SLC24A3: variants seen among roughly 807,000 people sequenced by gnomAD.
SLC24A3 encodes sodium/potassium/calcium exchanger 3.
SLC24A3 carries 28 observed loss-of-function variants against 75.8 expected under a neutral mutation model. The ratio of observed to expected loss-of-function variants is 0.37; its 90% CI spans 0.27 to 0.51. SLC24A3 has a LOEUF of 0.51. Ranked by LOEUF, SLC24A3 falls within the 20% of genes least tolerant of loss-of-function variation. The pLI is 0.94. For synonymous variants in SLC24A3, 372 were observed against 334.1 expected (o/e 1.11, Z -1.24); for missense variants, 663 against 847.8 (o/e 0.78, Z 2.71).
At chr20:19,381,492 T>C (rs1421584384) in intron 2 of SLC24A3, among the ~76,000 whole-genome samples, 3 of 152,066 alleles carry the variant, frequency 2.0e-5, no homozygotes, top group Non-Finnish European at 4.4e-5. Context: ...ACTGGAAAGA[T>C]GGAACAGCAG....
chr20:19,353,118 T>C (rs1392565371), intron 2 of SLC24A3, among the ~76,000 whole-genome samples: 1 of 152,218 alleles, frequency 6.6e-6, no homozygotes, highest in African/African-American at 2.4e-5. Flanking sequence ...TAGGCTATAC[T>C]AGCTAGGTTT....
At chr20:19,708,142 A>T (rs953828662) in intron 15 of SLC24A3, among the ~76,000 whole-genome samples, 1 of 152,124 alleles carries the variant, frequency 6.6e-6, no homozygotes, top group African/African-American at 2.4e-5. Context: ...GCAGCCAAGT[A>T]TATCAGACCT....
At chr20:19,482,908 T>A (rs963883947) in intron 2 of SLC24A3, among the ~76,000 whole-genome samples, 1 of 152,220 alleles carries the variant, frequency 6.6e-6, no homozygotes, top group African/African-American at 2.4e-5. Flanking sequence ...AGGTTTATGA[T>A]TCAGTGTGAA....
intron 2 of SLC24A3, among the ~76,000 whole-genome samples, chr20:19,299,095 C>G (rs905770708): frequency 2.0e-5 from 3 of 152,146 alleles, no homozygotes; most frequent in African/African-American, 4.8e-5. Flanking sequence ...CCGCATCCCC[C>G]CAACTACATG....
At chr20:19,507,709 C>T (rs1029245657) in intron 2 of SLC24A3, among the ~76,000 whole-genome samples, 14 of 152,172 alleles carry the variant, frequency 9.2e-5, no homozygotes, top group African/African-American at 2.2e-4. Context: ...TCCTAGGTCT[C>T]TGGAACAATG....
intron 1 of SLC24A3, among the ~76,000 whole-genome samples, chr20:19,239,136 A>AC (rs904590334): frequency 6.6e-6 from 1 of 151,688 alleles, no homozygotes; most frequent in Non-Finnish European, 1.5e-5. Context: ...AAAAAAAAAA[A>AC]AACAACACAG....
At chr20:19,297,982 A>G (rs962502056) in intron 2 of SLC24A3, among the ~76,000 whole-genome samples, 1 of 152,226 alleles carries the variant, frequency 6.6e-6, no homozygotes, top group African/African-American at 2.4e-5. Flanking sequence ...CACACCTTTC[A>G]GGTGCAGCAC....
intron 15 of SLC24A3, among the ~76,000 whole-genome samples, chr20:19,707,751 A>G (rs983703781): frequency 7.9e-5 from 12 of 152,370 alleles, no homozygotes; most frequent in African/African-American, 2.9e-4. Flanking sequence ...GATGCCATTC[A>G]TGGAGATGGG....
intron 2 of SLC24A3, among the ~76,000 whole-genome samples, chr20:19,486,694 G>C (rs1254925633): frequency 6.6e-6 from 1 of 152,152 alleles, no homozygotes; most frequent in Non-Finnish European, 1.5e-5. Flanking sequence ...TTTTATCCTT[G>C]TATGTCTCGT....
chr20:19,337,840 A>T (rs1302101997), intron 2 of SLC24A3, among the ~76,000 whole-genome samples: 5 of 152,030 alleles, frequency 3.3e-5, no homozygotes, highest in African/African-American at 9.7e-5. Flanking sequence ...ATGGCCTCTC[A>T]TGTCTTGTGG....
At chr20:19,675,099 T>TA (rs1469512215) in intron 9 of SLC24A3, among the ~76,000 whole-genome samples, 1 of 152,134 alleles carries the variant, frequency 6.6e-6, no homozygotes, top group African/African-American at 2.4e-5. Context: ...TCCCATGCTG[T>TA]AAGTTAAATG....
intron 2 of SLC24A3, among the ~76,000 whole-genome samples, chr20:19,480,221 A>G (rs1988031507): frequency 6.6e-6 from 1 of 152,130 alleles, no homozygotes; most frequent in Admixed American, 6.5e-5. Context: ...TTCCTAGGAG[A>G]CAGAGCACTT....
intron 2 of SLC24A3, among the ~76,000 whole-genome samples, chr20:19,408,396 T>TC (rs1986687538): frequency 6.6e-6 from 1 of 151,382 alleles, no homozygotes; most frequent in Non-Finnish European, 1.5e-5. Context: ...AATACTTTTT[T>TC]TTTTTTTTTT....
chr20:19,428,658 C>T (rs1987052599), intron 2 of SLC24A3, among the ~76,000 whole-genome samples: 1 of 152,188 alleles, frequency 6.6e-6, no homozygotes, highest in Non-Finnish European at 1.5e-5. Flanking sequence ...TAATCCTCAT[C>T]GGGGAGGCAG....
chr20:19,528,360 C>T (rs2030237351), intron 3 of SLC24A3, among the ~76,000 whole-genome samples: 1 of 152,164 alleles, frequency 6.6e-6, no homozygotes, highest in Admixed American at 6.5e-5. Context: ...ATTTTCCCAT[C>T]TCTTTACCTT....
At chr20:19,559,248 G>C (rs1481385820) in intron 3 of SLC24A3, among the ~76,000 whole-genome samples, 1 of 151,948 alleles carries the variant, frequency 6.6e-6, no homozygotes, top group Non-Finnish European at 1.5e-5. Context: ...TCACCTTCTT[G>C]TTCATTATCT....
rs1258780380 is a variant in SLC24A3 at position 19,280,966 on chromosome 20, C to A, written c.150C>A (p.Asp50Glu). Residue 50 changes from aspartate (D) to glutamate (E), a missense_variant, in exon 2 of 17, where the codon GAC (aspartate) becomes GAA (glutamate). Asp to Glu is a conservative substitution (Grantham distance 45). Coordinates refer to ENST00000328041, the MANE Select transcript of SLC24A3 (RefSeq NM_020689.4). ...LSSLREQKEL[D>E]LMDLVGEDRK... ...TTGTCTTTGTCTCCCCAGAGCTTGA[C>A]CTCATGGACCTCGTAGGGGAAGACA... 2 of 1,613,628 alleles carry A rather than the reference C, an allele frequency of 1.2e-6. No homozygotes were observed. The highest frequency in any genetic ancestry group is 2.7e-5 in the African/African-American group (2 of 74,896).
At chr20:19,419,822 G>GTTT (rs571225238) in intron 2 of SLC24A3, among the ~76,000 whole-genome samples, 1,662 of 136,638 alleles carry the variant, frequency 0.012, 35 homozygotes, top group African/African-American at 0.042. Context: ...CGACAGCCAA[G>GTTT]TTTTTTTTTT....
At chr20:19,516,416 C>T (rs999449357) in intron 3 of SLC24A3, among the ~76,000 whole-genome samples, 2 of 152,230 alleles carry the variant, frequency 1.3e-5, no homozygotes, top group African/African-American at 2.4e-5. Context: ...CGCTGTGAAG[C>T]GAGCTCCCCA....
Sources: gnomAD v4.1 joint callset for allele counts (sites outside exome capture counted in the v4.1 genomes callset) on GRCh38, gnomAD v4.1.1 for gene constraint, MANE v1.5 for transcripts, NCBI Gene and HGNC (gene_info 2026-07-23, HGNC 2026-07-21) for gene names.